The following ANK3 variants were observed in gnomAD, a reference collection of about 807,000 sequenced individuals.
ANK3 encodes ankyrin-3.
In ANK3, 57 loss-of-function variants were observed where a neutral mutation model predicts 370.9. The ratio of observed to expected loss-of-function variants is 0.15; its 90% CI spans 0.12 to 0.19. The LOEUF is 0.19. Ranked by LOEUF, ANK3 falls within the 10% of genes least tolerant of loss-of-function variation. The pLI, the probability that ANK3 is intolerant of heterozygous loss-of-function variation, is 1.00. For synonymous variants in ANK3, 1,929 were observed against 1,946.3 expected (o/e 0.99, Z 0.23); for missense variants, 4,439 against 5,302.1 (o/e 0.84, Z 5.06).
chr10:60,091,062 G>A (rs1158439501), intron 28 of ANK3, among the ~76,000 whole-genome samples: 1 of 152,048 alleles, frequency 6.6e-6, no homozygotes, highest in African/African-American at 2.4e-5. Context: ...ACGCCACCAC[G>A]CCCAGCTAAT....
chr10:60,330,620 A>G (rs376690504), intron 1 of ANK3, among the ~76,000 whole-genome samples: 1 of 152,256 alleles, frequency 6.6e-6, no homozygotes, highest in East Asian at 1.9e-4. Flanking sequence ...GAAACAACAG[A>G]TGCTGGAGAG....
intron 2 of ANK3, among the ~76,000 whole-genome samples, chr10:60,432,648 C>G (rs979508624): frequency 6.6e-6 from 1 of 152,074 alleles, no homozygotes; most frequent in African/African-American, 2.4e-5. Context: ...TTTTAGAACA[C>G]GGAGTTGCAT....
chr10:60,362,404 G>A lies in ANK3; in HGVS notation c.114+27021C>T, dbSNP rs72824140. Among the ~76,000 whole-genome samples the A allele has an allele frequency of 5.2e-3, 793 of 152,190 alleles. 4 individuals carry two copies. Among genetic ancestry groups the A allele is most frequent in the South Asian group, 0.012 (60 of 4,826 alleles). On this transcript the variant is annotated intron_variant, in intron 1 of 43. Transcript: ENST00000280772. ...GTACATTTTCTCGTTTCAGAAAACCGCACTGATTGTTATGCTGAGCTAAGA... is the reference window on the plus strand; with the variant it reads ...GTACATTTTCTCGTTTCAGAAAACCACACTGATTGTTATGCTGAGCTAAGA...
chr10:60,522,897 C>T (rs909673033), intron 2 of ANK3, among the ~76,000 whole-genome samples: 4 of 151,980 alleles, frequency 2.6e-5, no homozygotes, highest in African/African-American at 9.7e-5. Context: ...ATCTGAAATG[C>T]TGAAATGAAT....
chr10:60,130,953 C>G (rs544826147), intron 25 of ANK3, among the ~76,000 whole-genome samples: 83 of 152,176 alleles, frequency 5.5e-4, no homozygotes, highest in African/African-American at 2.0e-3. Flanking sequence ...TAAAAAATAC[C>G]CATGTACCTT....
chr10:60,163,595 G>A (rs761745381), intron 23 of ANK3, among the ~76,000 whole-genome samples: 1 of 152,058 alleles, frequency 6.6e-6, no homozygotes, highest in South Asian at 2.1e-4. Flanking sequence ...AAGAGAAGAC[G>A]ATAAGGAGAA....
chr10:60,708,500 TC>T (rs2079651340), intron 1 of ANK3, among the ~76,000 whole-genome samples: 1 of 152,118 alleles, frequency 6.6e-6, no homozygotes, highest in Non-Finnish European at 1.5e-5. Context: ...CACAAGTTTC[TC>T]AGAGCAGATA....
At chr10:60,446,708 C>G (rs531700896) in intron 2 of ANK3, among the ~76,000 whole-genome samples, 3 of 152,248 alleles carry the variant, frequency 2.0e-5, no homozygotes, top group African/African-American at 7.2e-5. Context: ...TTCAAAGGAG[C>G]TCCAACTTAA....
chr10:60,383,338 C>A (rs189690389), intron 1 of ANK3, among the ~76,000 whole-genome samples: 2 of 152,282 alleles, frequency 1.3e-5, no homozygotes, highest in East Asian at 1.9e-4. Context: ...CTCACTGAAA[C>A]CCCATTACAA....
chr10:60,625,505 G>C (rs943845294), intron 1 of ANK3, among the ~76,000 whole-genome samples: 1 of 152,158 alleles, frequency 6.6e-6, no homozygotes, highest in Non-Finnish European at 1.5e-5. Flanking sequence ...CAAAGAGCTT[G>C]ACAACATTCT....
At chr10:60,191,486 A>G (rs1308044801) in intron 16 of ANK3, among the ~76,000 whole-genome samples, 4 of 152,240 alleles carry the variant, frequency 2.6e-5, no homozygotes, top group Non-Finnish European at 4.4e-5. Flanking sequence ...AATGATCGTC[A>G]TCACTAATCA....
upstream of ANK3, among the ~76,000 whole-genome samples, chr10:60,391,661 A>C (rs763514898): frequency 2.0e-5 from 3 of 152,218 alleles, no homozygotes; most frequent in African/African-American, 2.4e-5. Flanking sequence ...ATGATACTTT[A>C]AAATATATTT....
intron 28 of ANK3, among the ~76,000 whole-genome samples, chr10:60,091,855 C>T (rs569672494): frequency 6.6e-6 from 1 of 151,942 alleles, no homozygotes; most frequent in South Asian, 2.1e-4. Context: ...CTCAGCCTCC[C>T]GAGTAGCTGG....
At chr10:60,417,013 T>C (rs376483811) in intron 2 of ANK3, among the ~76,000 whole-genome samples, 74 of 152,150 alleles carry the variant, frequency 4.9e-4, no homozygotes, top group African/African-American at 1.8e-3. Context: ...GGGAAGAAGA[T>C]GGTGGTAAAG....
At chr10:60,269,653 C>A (rs574568294) in intron 5 of ANK3, among the ~76,000 whole-genome samples, 2 of 144,708 alleles carry the variant, frequency 1.4e-5, no homozygotes, top group African/African-American at 2.6e-5. Context: ...CCCCCTCCCC[C>A]CCCCCAAAAA....
At chr10:60,647,852 CTT>C (rs10591129) in intron 1 of ANK3, among the ~76,000 whole-genome samples, 49,548 of 144,238 alleles carry the variant, frequency 0.34, 8,305 homozygotes, top group African/African-American at 0.39. Context: ...CAAAATTTGC[CTT>C]TTTTTTTTTT....
At chr10:60,488,645 T>C (rs1030652545) in intron 2 of ANK3, among the ~76,000 whole-genome samples, 4 of 152,246 alleles carry the variant, frequency 2.6e-5, no homozygotes, top group Non-Finnish European at 4.4e-5. Context: ...GGGCATATCA[T>C]ATGAATGGAA....
intron 1 of ANK3, among the ~76,000 whole-genome samples, chr10:60,689,269 C>T (rs988577075): frequency 6.6e-6 from 1 of 152,056 alleles, no homozygotes; most frequent in African/African-American, 2.4e-5. Context: ...TGTGGTGCCA[C>T]GTGCCTGTAG....
At chr10:60,199,563 G>T (rs901183242) in intron 13 of ANK3, among the ~76,000 whole-genome samples, 1 of 152,134 alleles carries the variant, frequency 6.6e-6, no homozygotes, top group Non-Finnish European at 1.5e-5. Context: ...AAATTAAGTG[G>T]TTTATGATTC....
Sources: gnomAD v4.1 joint callset for allele counts (sites outside exome capture counted in the v4.1 genomes callset) on GRCh38, gnomAD v4.1.1 for gene constraint, MANE v1.5 for transcripts, NCBI Gene and HGNC (gene_info 2026-07-23, HGNC 2026-07-21) for gene names.